Variants in ASTN2 observed in about 807,000 individuals in gnomAD.
ASTN2 encodes the protein astrotactin-2.
ASTN2 carries 54 observed loss-of-function variants against 139.8 expected under a neutral mutation model. The observed-to-expected ratio is 0.39, with a 90% CI of 0.31 to 0.48. The LOEUF is 0.48. Among genes scored for constraint, ASTN2 ranks in the 20% least tolerant of loss-of-function variants. ASTN2 has a pLI of 0.95. For synonymous variants in ASTN2, 756 were observed against 719.5 expected (o/e 1.05, Z -0.81); for missense variants, 1,565 against 1,725.1 (o/e 0.91, Z 1.64).
At chr9:116,894,710 C>T (rs1400150797) in intron 10 of ASTN2, among the ~76,000 whole-genome samples, 1 of 152,180 alleles carries the variant, frequency 6.6e-6, no homozygotes, top group African/African-American at 2.4e-5. Context: ...TCCTAAAGTG[C>T]TATGATTACA....
At chr9:116,449,964 G>T (rs1848125215) in intron 20 of ASTN2, among the ~76,000 whole-genome samples, 1 of 152,162 alleles carries the variant, frequency 6.6e-6, no homozygotes, top group Non-Finnish European at 1.5e-5. Context: ...ACTTCGTGGA[G>T]CAAAGACAGC....
chr9:117,316,096 T>C (rs745992209), intron 1 of ASTN2, among the ~76,000 whole-genome samples: 2 of 152,192 alleles, frequency 1.3e-5, no homozygotes, highest in African/African-American at 4.8e-5. Context: ...TGACAACCCA[T>C]CACAAATTGC....
intron 13 of ASTN2, among the ~76,000 whole-genome samples, chr9:116,771,904 A>G (rs1050003110): frequency 2.0e-5 from 3 of 152,178 alleles, no homozygotes; most frequent in Non-Finnish European, 2.9e-5. Flanking sequence ...GGGTACATGG[A>G]GGGATGAGGA....
intron 19 of ASTN2, among the ~76,000 whole-genome samples, chr9:116,602,146 T>C (rs16933742): frequency 0.066 from 10,064 of 152,184 alleles, 418 homozygotes; most frequent in East Asian, 0.14. Context: ...TTTAATGACA[T>C]AGAGTTCACA....
rs76411322 is a variant in ASTN2, at chr9:117,284,852, T to G, written c.630+6474A>C. On this transcript the variant is annotated intron_variant, in intron 2 of 22. Coordinates refer to ENST00000313400, the MANE Select transcript of ASTN2 (RefSeq NM_001365068.1). ...ATGCTCAAATCCCACTACTACCAAG[T>G]CAGTTATGGAGCCAGAATGTGAACC... 3.4e-4 allele frequency among the ~76,000 whole-genome samples: 52 copies of G among 152,290 alleles called. 1 individual carries two copies. In the East Asian group the frequency reaches 9.1e-3, roughly 27 times the overall value.
chr9:116,582,772 T>C (rs1854002248), intron 19 of ASTN2: 1 of 152,230 alleles, frequency 6.6e-6, no homozygotes, highest in African/African-American at 2.4e-5. Flanking sequence ...AAAGTTATCT[T>C]TCTTTCCAAA....
chr9:116,850,196 GC>G (rs1476748608), intron 11 of ASTN2, among the ~76,000 whole-genome samples: 1 of 152,254 alleles, frequency 6.6e-6, no homozygotes, highest in Non-Finnish European at 1.5e-5. Context: ...CCAGGGCAGG[GC>G]CCTTCAAGGT....
chr9:116,813,098 A>G (rs1831211398), intron 12 of ASTN2, among the ~76,000 whole-genome samples: 1 of 152,156 alleles, frequency 6.6e-6, no homozygotes, highest in African/African-American at 2.4e-5. Context: ...AGATTTTCCT[A>G]CAGAAATTCT....
chr9:117,147,464 C>CACACA (rs58379572), intron 3 of ASTN2, among the ~76,000 whole-genome samples: 2 of 146,384 alleles, frequency 1.4e-5, no homozygotes, highest in African/African-American at 5.2e-5. Flanking sequence ...CACACACACA[C>CACACA]CCCCGTTATC....
In ASTN2 at chr9:116,698,905, C is replaced by T; in HGVS notation, c.2806+26866G>A. The T allele has an allele frequency of 6.2e-7, 1 of 1,614,234 alleles. No individual in the cohort carries two copies. The highest frequency in any genetic ancestry group is 8.5e-7 in the Non-Finnish European group (1 of 1,180,044). On this transcript the variant is annotated intron_variant, in intron 16 of 22. Coordinates refer to ENST00000313400, the MANE Select transcript of ASTN2 (RefSeq NM_001365068.1). The surrounding 1 kb of genome is among the most constrained non-coding windows in gnomAD (Gnocchi z 4.4). ...ACCAGTCAAGGTGAAGTACTAGTCGCTGACCGTGGTAACTATCGTATACAA... is the reference window on the plus strand; with the variant it reads ...ACCAGTCAAGGTGAAGTACTAGTCGTTGACCGTGGTAACTATCGTATACAA...
rs117373390 is a variant in ASTN2 at position 117,350,463 on chromosome 9, T to C, written c.443-58950A>G. 5.7e-3 allele frequency among the ~76,000 whole-genome samples: 866 copies of C among 151,504 alleles called. 23 individuals are homozygous for C. In the East Asian group the frequency reaches 0.066, roughly 12 times the overall value. On this transcript the variant is annotated intron_variant, in intron 1 of 22. Coordinates refer to ENST00000313400, the MANE Select transcript of ASTN2 (RefSeq NM_001365068.1). ...TACTTGGGAGGCTGAGGCAGGAAAA[T>C]TGCTTGAAGCTGATAGGGGGGTGGT...
chr9:117,413,429 G>C (rs1831226729), intron 1 of ASTN2, among the ~76,000 whole-genome samples: 1 of 152,240 alleles, frequency 6.6e-6, no homozygotes, highest in Non-Finnish European at 1.5e-5. Context: ...CGCTGTTGTT[G>C]GCCAGACTCC....
intron 4 of ASTN2, among the ~76,000 whole-genome samples, chr9:117,138,829 C>G (rs1052656324): frequency 1.1e-4 from 16 of 152,104 alleles, no homozygotes; most frequent in African/African-American, 3.4e-4. Context: ...AAATTCTTCT[C>G]TAAGAGGGGA....
intron 1 of ASTN2, among the ~76,000 whole-genome samples, chr9:117,311,524 CAG>C (rs1397674565): frequency 1.3e-5 from 2 of 152,162 alleles, no homozygotes; most frequent in African/African-American, 4.8e-5. Context: ...GCCTCAGCAT[CAG>C]AGTCTCATCT....
At chr9:117,257,106 G>GCATCAA (rs1833707827) in intron 2 of ASTN2, among the ~76,000 whole-genome samples, 1 of 152,156 alleles carries the variant, frequency 6.6e-6, no homozygotes, top group Admixed American at 6.5e-5. Context: ...AGATACACAA[G>GCATCAA]CATCAAACGT....
chr9:116,594,446 C>T (rs997208006), intron 19 of ASTN2, among the ~76,000 whole-genome samples: 2 of 152,092 alleles, frequency 1.3e-5, no homozygotes, highest in African/African-American at 2.4e-5. Context: ...TTTTAAAATA[C>T]AAGCCACTAG....
At chr9:117,138,190 C>A (rs1426844706) in intron 4 of ASTN2, among the ~76,000 whole-genome samples, 1 of 152,034 alleles carries the variant, frequency 6.6e-6, no homozygotes, top group Non-Finnish European at 1.5e-5. Context: ...TGAACTACTA[C>A]TGTGGAAGAA....
intron 16 of ASTN2, among the ~76,000 whole-genome samples, chr9:116,653,153 G>A (rs1858019313): frequency 6.6e-6 from 1 of 152,200 alleles, no homozygotes; most frequent in Non-Finnish European, 1.5e-5. Flanking sequence ...CAAACATGGT[G>A]CGACGGATGT....
chr9:116,474,924 TAGAAAGTGATGG>T, intron 20 of ASTN2, among the ~76,000 whole-genome samples: 1 of 152,078 alleles, frequency 6.6e-6, no homozygotes, highest in Non-Finnish European at 1.5e-5. Context: ...AACCCTAAAG[TAGAAAGTGATGG>T]TCACAGCCTA....
Sources: allele counts gnomAD v4.1 joint callset (sites outside exome capture counted in the v4.1 genomes callset), GRCh38; gene constraint gnomAD v4.1.1; non-coding constraint Gnocchi (gnomAD v3.1); transcripts MANE v1.5; gene names NCBI Gene and HGNC (gene_info 2026-07-23, HGNC 2026-07-21).